The following P4HA3 variants were observed in gnomAD, a reference collection of about 807,000 sequenced individuals.
The protein encoded by P4HA3 is prolyl 4-hydroxylase subunit alpha-3.
A neutral mutation model predicts 66.7 loss-of-function variants in P4HA3; 60 were observed. The observed-to-expected ratio is 0.90, with a 90% CI of 0.73 to 1.12. P4HA3 has a LOEUF of 1.12. Among genes scored for constraint, P4HA3 ranks in the 50% most tolerant of loss-of-function variants. The pLI is 0.00. For missense variants in P4HA3, 683 were observed against 685.8 expected (o/e 1.00, Z 0.05); for synonymous variants, 263 against 274.6 (o/e 0.96, Z 0.42).
At position 74,302,412 on chromosome 11, in the gene P4HA3, C is replaced by A; in HGVS notation, c.524G>T (p.Arg175Leu). 6.2e-7 allele frequency: 1 copy of A among 1,613,800 alleles called. No homozygotes were observed. The highest frequency in any genetic ancestry group is 8.5e-7 in the Non-Finnish European group (1 of 1,179,964). ...SAITDLYSPKRLFSLTGDDCF... is the reference protein window; with the variant it reads ...SAITDLYSPKLLFSLTGDDCF... ...GTCATCCCCTGTGAGAGAAAAGAGC[C>A]GTTTGGGGCTGTACAGGTCAGTGAT... is the stretch of plus-strand genomic sequence containing the variant. The change falls in exon 3 of 13, where the codon CGG (arginine) becomes CTG (leucine). Residue 175 changes from arginine to leucine, a missense_variant. By Grantham distance (102) the Arg-to-Leu change is moderately radical. Transcript: ENST00000331597.
chr11:74,253,628 G>T (rs1346296456), intron 15 of P4HA3: 2 of 1,160,702 alleles, frequency 1.7e-6, no homozygotes, highest in East Asian at 4.7e-5. Flanking sequence ...ACTGGCTCCC[G>T]GTAGACGGGC....
chr11:74,280,225 C>T (rs753819613), intron 7 of P4HA3, among the ~76,000 whole-genome samples: 2 of 151,990 alleles, frequency 1.3e-5, no homozygotes, highest in Non-Finnish European at 2.9e-5. Context: ...ACGATCATAG[C>T]TCACTACAGC....
At chr11:74,252,251 G>GTTTTTTTTTTTT (rs1249533305) in intron 15 of P4HA3, among the ~76,000 whole-genome samples, 4 of 118,462 alleles carry the variant, frequency 3.4e-5, no homozygotes, top group Non-Finnish European at 7.3e-5. Context: ...TTTTTTTTTT[G>GTTTTTTTTTTTT]TTTTTTTTTT....
At position 74,288,822 on chromosome 11, in the gene P4HA3, G is replaced by A. The variant is rs112139987; in HGVS notation, c.769+257C>T. Among the ~76,000 whole-genome samples, 7,682 of 151,564 alleles carry A rather than the reference G, an allele frequency of 0.051. 495 individuals carry two copies. The highest frequency in any genetic ancestry group is 0.15 in the African/African-American group (6,164 of 41,250). On this transcript the variant is annotated intron_variant, in intron 5 of 12. Transcript: ENST00000331597. ...AAATTAGCCAGGTGTGGTGGTGGGC[G>A]CCTGTAATCCCAGCTACTCGGGAGG...
At chr11:74,250,979 C>T in intron 15 of P4HA3, 1 of 1,602,080 alleles carries the variant, frequency 6.2e-7, no homozygotes, top group Non-Finnish European at 8.5e-7. Flanking sequence ...AGGTCCTACC[C>T]CAGTGTGGCC....
At chr11:74,272,831 A>C (rs1860253321) in intron 10 of P4HA3, among the ~76,000 whole-genome samples, 1 of 152,182 alleles carries the variant, frequency 6.6e-6, no homozygotes, top group African/African-American at 2.4e-5. Flanking sequence ...ATTAATTCTA[A>C]TATTCTCTTC....
intron 3 of P4HA3, among the ~76,000 whole-genome samples, chr11:74,299,561 C>A (rs945386593): frequency 4.6e-5 from 7 of 151,752 alleles, no homozygotes; most frequent in Non-Finnish European, 1.5e-5. Flanking sequence ...CCATGAGTAA[C>A]TTCAAGTCCC....
intron 8 of P4HA3, among the ~76,000 whole-genome samples, chr11:74,277,601 A>G (rs1860445061): frequency 6.6e-6 from 1 of 152,242 alleles, no homozygotes; most frequent in African/African-American, 2.4e-5. Context: ...TACTTCACAG[A>G]CTTATAAAGA....
At chr11:74,270,958 T>C (rs1860175028) in intron 10 of P4HA3, among the ~76,000 whole-genome samples, 2 of 152,258 alleles carry the variant, frequency 1.3e-5, no homozygotes, top group South Asian at 4.1e-4. Context: ...CAAAAGGACA[T>C]GCATAAGTTT....
At chr11:74,274,379 C>A (rs981065375) in intron 9 of P4HA3, among the ~76,000 whole-genome samples, 1 of 150,128 alleles carries the variant, frequency 6.7e-6, no homozygotes, top group Non-Finnish European at 1.5e-5. Context: ...GATCTCAGCT[C>A]ACTGCAACCT....
intron 4 of P4HA3, among the ~76,000 whole-genome samples, chr11:74,297,093 G>A (rs960095208): frequency 6.6e-5 from 10 of 151,916 alleles, no homozygotes; most frequent in Non-Finnish European, 8.8e-5. Context: ...CACCACACCC[G>A]GTTAATTTTG....
In P4HA3 at chr11:74,269,443, T is replaced by C. The variant is rs144157669; in HGVS notation, c.1467+209A>G. 1.5e-3 allele frequency among the ~76,000 whole-genome samples: 226 copies of C among 152,238 alleles called. 1 individual carries two copies. Among genetic ancestry groups the C allele is most frequent in the Admixed American group, 2.6e-3 (40 of 15,292 alleles). On this transcript the variant is annotated intron_variant, in intron 11 of 12. Coordinates refer to ENST00000331597, the MANE Select transcript of P4HA3 (RefSeq NM_182904.5). ...TAATCATCTACTTGCAATATAAGTG[T>C]AAATAAAATAACAAATAGAGGCACA... is the stretch of plus-strand genomic sequence containing the variant.
At chr11:74,303,262 A>G (rs1861469543) in intron 2 of P4HA3, among the ~76,000 whole-genome samples, 1 of 149,622 alleles carries the variant, frequency 6.7e-6, no homozygotes, top group Admixed American at 6.7e-5. Context: ...GACTCTTCTC[A>G]CTGTTAGCTT....
At chr11:74,253,595 T>TCCATC in intron 15 of P4HA3, 1 of 1,449,098 alleles carries the variant, frequency 6.9e-7, no homozygotes, top group Non-Finnish European at 9.7e-7. Context: ...CTGTCTCCTC[T>TCCATC]CCATCCCGCC....
rs1356912566 is a variant in P4HA3 at position 74,304,346 on chromosome 11, T to G, written c.267A>C (p.Ala89=). The change falls in exon 2 of 13, where the codon GCA becomes GCC. Residue 89 remains alanine, a synonymous_variant. Coordinates refer to ENST00000331597, the MANE Select transcript of P4HA3 (RefSeq NM_182904.5). Reference sequence around the variant, plus strand: ...ACTGCAGGCGTTTGATGAGAGTAAATGCAAGCAGAGGGTTAGCCACAGGGG... The same window carrying G: ...ACTGCAGGCGTTTGATGAGAGTAAAGGCAAGCAGAGGGTTAGCCACAGGGG... ...STTPVANPLL[A]FTLIKRLQSD... 43 of 1,613,916 alleles carry G rather than the reference T, an allele frequency of 2.7e-5. No homozygotes were observed. The Admixed American group carries it at 7.2e-4, about 27-fold the overall frequency.
In P4HA3 at chr11:74,298,205, C is replaced by T. The variant is rs771461489; in HGVS notation, c.717+7G>A. On this transcript the variant is annotated splice_region_variant and intron_variant, in intron 4 of 12. Transcript: ENST00000331597. ...ATAAAAGCAGTGAGCTTCACTTACT[C>T]CCTTACCCGGAAATAAGCAAAGGCC... 6.2e-7 allele frequency: 1 copy of T among 1,613,074 alleles called. No individual in the cohort carries two copies. The highest frequency in any genetic ancestry group is 1.1e-5 in the South Asian group (1 of 90,890).
chr11:74,278,482 A>G (rs1860476094), intron 8 of P4HA3, among the ~76,000 whole-genome samples: 1 of 152,224 alleles, frequency 6.6e-6, no homozygotes, highest in Non-Finnish European at 1.5e-5. Context: ...GACCAGCTCC[A>G]GCGAAGTTGT....
intron 9 of P4HA3, among the ~76,000 whole-genome samples, chr11:74,276,007 G>A (rs1860380422): frequency 6.6e-6 from 1 of 152,174 alleles, no homozygotes. Context: ...GCAGCAACAT[G>A]GATGGAGCTG....
chr11:74,285,713 G>C, intron 7 of P4HA3, 96 bp downstream of exon 7: 2 of 1,303,076 alleles, frequency 1.5e-6, no homozygotes, highest in Non-Finnish European at 2.1e-6. Flanking sequence ...GGCTCTTTGA[G>C]GTGTCTAGTT....
Sources: gnomAD v4.1 joint callset for allele counts (sites outside exome capture counted in the v4.1 genomes callset) on GRCh38, gnomAD v4.1.1 for gene constraint, MANE v1.5 for transcripts, NCBI Gene and HGNC (gene_info 2026-07-23, HGNC 2026-07-21) for gene names.